The following RUNDC3B variants were observed in gnomAD, a reference collection of about 807,000 sequenced individuals.
RUNDC3B encodes RUN domain-containing protein 3B.
RUNDC3B carries 33 observed loss-of-function variants against 58.4 expected under a neutral mutation model. The observed-to-expected ratio is 0.56, with a 90% CI of 0.43 to 0.75. RUNDC3B has a LOEUF of 0.75. Ranked by LOEUF, RUNDC3B falls within the 30% of genes least tolerant of loss-of-function variation. The pLI, the probability that RUNDC3B is intolerant of heterozygous loss-of-function variation, is 0.00. For synonymous variants in RUNDC3B, 193 were observed against 195.2 expected, an observed-to-expected ratio of 0.99 and a Z score of 0.10; for missense variants, 501 against 535.7, an observed-to-expected ratio of 0.94 and a Z score of 0.64.
chr7:87,808,295 A>G (rs921272658), intron 9 of RUNDC3B, among the ~76,000 whole-genome samples: 1 of 139,308 alleles, frequency 7.2e-6, no homozygotes, highest in East Asian at 2.1e-4. Context: ...CCTTTTTCCT[A>G]TCTCTTTTTG....
chr7:87,745,449 T>G (rs1832592703), intron 6 of RUNDC3B, among the ~76,000 whole-genome samples: 3 of 152,166 alleles, frequency 2.0e-5, no homozygotes, highest in African/African-American at 7.2e-5. Context: ...CCTCAGCTTC[T>G]TTTTTGTTGG....
chr7:87,776,496 A>C (rs1834637168), intron 7 of RUNDC3B, among the ~76,000 whole-genome samples: 1 of 152,156 alleles, frequency 6.6e-6, no homozygotes, highest in South Asian at 2.1e-4. Context: ...ATTTGTAGTA[A>C]AACTGGAAAG....
At position 87,679,665 on chromosome 7, in the gene RUNDC3B, C is replaced by T. The variant is rs558081624; in HGVS notation, c.239-20756C>T. Among the ~76,000 whole-genome samples, 20 of 150,448 alleles carry T rather than the reference C, an allele frequency of 1.3e-4. 1 individual carries two copies. The highest frequency in any genetic ancestry group is 4.9e-4 in the African/African-American group (20 of 40,524). On this transcript the variant is annotated intron_variant, in intron 2 of 10. Coordinates refer to ENST00000394654, the MANE Select transcript of RUNDC3B (RefSeq NM_001134405.2). ...TCAGCCTTTCAAAGTGCTGAGATTA[C>T]AAGTGTGAACCACTGTGCCTGGCCA...
chr7:87,641,151 A>G (rs1822413468), intron 1 of RUNDC3B, among the ~76,000 whole-genome samples: 1 of 152,088 alleles, frequency 6.6e-6, no homozygotes, highest in South Asian at 2.1e-4. Context: ...TTGTTCTTTT[A>G]GTACTATCAT....
intron 2 of RUNDC3B, among the ~76,000 whole-genome samples, chr7:87,685,725 A>G (rs1016949569): frequency 6.6e-6 from 1 of 152,170 alleles, no homozygotes; most frequent in Admixed American, 6.6e-5. Flanking sequence ...TCTTTGCATG[A>G]TGAAACTGTT....
chr7:87,715,455 A>T (rs1252586699), intron 4 of RUNDC3B, among the ~76,000 whole-genome samples: 2 of 118,036 alleles, frequency 1.7e-5, no homozygotes, highest in Non-Finnish European at 1.9e-5. Flanking sequence ...ATATATAATT[A>T]TATTATATTA....
intron 4 of RUNDC3B, among the ~76,000 whole-genome samples, chr7:87,722,812 G>A (rs994214057): frequency 6.6e-6 from 1 of 152,110 alleles, no homozygotes; most frequent in Non-Finnish European, 1.5e-5. Flanking sequence ...TGAACTAGTT[G>A]GTATCGTTGA....
intron 1 of RUNDC3B, 99 bp downstream of exon 1, chr7:87,629,044 C>T (rs542653541): frequency 7.2e-6 from 8 of 1,114,652 alleles, no homozygotes; most frequent in East Asian, 3.2e-5. Flanking sequence ...GATGGGCTGC[C>T]GCCCAGTGCC....
intron 3 of RUNDC3B, among the ~76,000 whole-genome samples, chr7:87,701,018 A>G (rs561647362): frequency 2.0e-4 from 31 of 152,346 alleles, no homozygotes; most frequent in Middle Eastern, 6.8e-3. Context: ...TGCGGGAAAC[A>G]TTAATTCTTA....
chr7:87,803,398 A>G (rs1404065442), intron 8 of RUNDC3B, among the ~76,000 whole-genome samples: 1 of 152,244 alleles, frequency 6.6e-6, no homozygotes, highest in Non-Finnish European at 1.5e-5. Context: ...AATTGAGGAT[A>G]TATTTATAGA....
intron 4 of RUNDC3B, among the ~76,000 whole-genome samples, chr7:87,722,955 C>A (rs978465081): frequency 1.3e-5 from 2 of 152,146 alleles, no homozygotes; most frequent in African/African-American, 4.8e-5. Flanking sequence ...TCTTACACTG[C>A]AAGCTTTTCT....
chr7:87,777,043 G>T (rs1250074761), intron 7 of RUNDC3B, among the ~76,000 whole-genome samples: 2 of 152,016 alleles, frequency 1.3e-5, no homozygotes. Context: ...TAGTACAAAG[G>T]GTTTGAGGAT....
intron 9 of RUNDC3B, among the ~76,000 whole-genome samples, chr7:87,813,992 A>AG (rs1295242224): frequency 6.6e-6 from 1 of 152,174 alleles, no homozygotes; most frequent in East Asian, 1.9e-4. Context: ...AAAAAAAAAA[A>AG]AAGATTTTAA....
At chr7:87,632,584 A>G (rs1402592336) in intron 1 of RUNDC3B, among the ~76,000 whole-genome samples, 2 of 152,178 alleles carry the variant, frequency 1.3e-5, no homozygotes, top group African/African-American at 4.8e-5. Flanking sequence ...CTGAGAACCA[A>G]CTAGTATTTT....
At chr7:87,815,192 CTA>C (rs989760885) in intron 9 of RUNDC3B, among the ~76,000 whole-genome samples, 2 of 151,942 alleles carry the variant, frequency 1.3e-5, no homozygotes, top group African/African-American at 4.8e-5. Flanking sequence ...AAACCTGTAA[CTA>C]AGTCTACTTT....
chr7:87,727,966 A>G (rs1354188585), intron 4 of RUNDC3B, among the ~76,000 whole-genome samples: 1 of 152,214 alleles, frequency 6.6e-6, no homozygotes, highest in Non-Finnish European at 1.5e-5. Flanking sequence ...AGGAATCATT[A>G]TGAGCAAAGG....
chr7:87,721,066 G>C (rs1328870035), intron 4 of RUNDC3B, among the ~76,000 whole-genome samples: 1 of 150,812 alleles, frequency 6.6e-6, no homozygotes, highest in African/African-American at 2.4e-5. Flanking sequence ...GACTAAATCA[G>C]AAATGTATGC....
intron 8 of RUNDC3B, among the ~76,000 whole-genome samples, chr7:87,780,673 T>G (rs1038050860): frequency 1.3e-5 from 2 of 151,646 alleles, no homozygotes; most frequent in African/African-American, 4.8e-5. Context: ...TAAATTCTTT[T>G]CCATATGTGA....
intron 6 of RUNDC3B, among the ~76,000 whole-genome samples, chr7:87,767,412 T>G (rs1235559866): frequency 6.6e-6 from 1 of 152,214 alleles, no homozygotes; most frequent in Non-Finnish European, 1.5e-5. Context: ...TGGCTTCATT[T>G]CTAGTTGCTT....
Sources: allele counts gnomAD v4.1 joint callset (sites outside exome capture counted in the v4.1 genomes callset), GRCh38; gene constraint gnomAD v4.1.1; transcripts MANE v1.5; gene names NCBI Gene and HGNC (gene_info 2026-07-23, HGNC 2026-07-21).